The following TCERG1 variants were observed in gnomAD, a reference collection of about 807,000 sequenced individuals.
TCERG1 encodes the protein transcription elongation regulator 1, also known as TATA box binding protein (TBP)-associated factor, RNA polymerase II, S, 150kD.
In TCERG1, 37 loss-of-function variants were observed where a neutral mutation model predicts 144.7. The observed-to-expected ratio is 0.26, with a 90% CI of 0.20 to 0.34. TCERG1 has a LOEUF of 0.34. Ranked by LOEUF, TCERG1 falls within the 10% of genes least tolerant of loss-of-function variation. TCERG1 has a pLI of 1.00. For missense variants in TCERG1, 1,027 were observed against 1,380.7 expected, an observed-to-expected ratio of 0.74 and a Z score of 4.06; for synonymous variants, 492 against 458.2, an observed-to-expected ratio of 1.07 and a Z score of -0.94.
chr5:146,460,613 G>C (rs1044053504), intron 4 of TCERG1, among the ~76,000 whole-genome samples: 10 of 152,194 alleles, frequency 6.6e-5, no homozygotes, highest in African/African-American at 2.2e-4. Context: ...GTATAAGAGA[G>C]AAATTAATTC....
chr5:146,447,557 G>A, intron 1 of TCERG1, 149 bp downstream of exon 1: 1 of 1,050,204 alleles, frequency 9.5e-7, no homozygotes, highest in African/African-American at 1.7e-5. Flanking sequence ...GAAGGGGGAA[G>A]GGGAAGGTGG....
intron 15 of TCERG1, among the ~76,000 whole-genome samples, chr5:146,484,322 A>AG (rs1297661576): frequency 6.6e-6 from 1 of 152,178 alleles, no homozygotes; most frequent in Non-Finnish European, 1.5e-5. Context: ...CCTCTTCTAA[A>AG]GCATTGCACA....
chr5:146,454,067 C>T (rs1210713055), intron 1 of TCERG1, among the ~76,000 whole-genome samples: 28 of 149,204 alleles, frequency 1.9e-4, no homozygotes, highest in Admixed American at 1.6e-3. Flanking sequence ...AAAAATTAGC[C>T]GGGCATGGTG....
At chr5:146,473,350 G>A (rs545684012) in intron 9 of TCERG1, among the ~76,000 whole-genome samples, 2 of 152,332 alleles carry the variant, frequency 1.3e-5, no homozygotes, top group Admixed American at 6.5e-5. Context: ...TTGGAAGCTA[G>A]TAGAGGTTGG....
intron 5 of TCERG1, 137 bp from the exon 6 acceptor site, chr5:146,468,204 A>G (rs140533362): frequency 4.8e-5 from 31 of 651,202 alleles, no homozygotes; most frequent in Non-Finnish European, 7.0e-5. Context: ...AAACAGAAAG[A>G]AATTTTACTC....
rs969446485 is a variant in TCERG1, at chr5:146,471,579, A to G, written c.1601+3A>G. The G allele has an allele frequency of 1.2e-6, 2 of 1,606,382 alleles. No homozygotes were observed. Among genetic ancestry groups the G allele is most frequent in the Non-Finnish European group, 1.7e-6 (2 of 1,175,772 alleles). ...GCTCCTATTCCTGGTACTCCATGGT[A>G]TGTATTTGGCTCAAGTAGTAATTTT... On this transcript the variant is annotated splice_donor_region_variant and intron_variant, in intron 9 of 22. Transcript: ENST00000679501.
intron 9 of TCERG1, among the ~76,000 whole-genome samples, chr5:146,474,616 T>C (rs750999661): frequency 6.6e-5 from 10 of 152,250 alleles, no homozygotes; most frequent in Admixed American, 2.0e-4. Flanking sequence ...TCAATTGATA[T>C]AGAAAACTTC....
At chr5:146,476,754 G>C (rs1034594008) in intron 9 of TCERG1, among the ~76,000 whole-genome samples, 10 of 152,050 alleles carry the variant, frequency 6.6e-5, no homozygotes, top group African/African-American at 2.2e-4. Flanking sequence ...CACCTCCTCT[G>C]TTCTTCAGAT....
intron 18 of TCERG1, 64 bp downstream of exon 18, chr5:146,503,603 A>G: frequency 1.3e-6 from 2 of 1,553,144 alleles, no homozygotes; most frequent in South Asian, 1.2e-5. Flanking sequence ...TTAAGGGTAT[A>G]TGTTGTTGTT....
intron 15 of TCERG1, 180 bp from the exon 16 acceptor site, chr5:146,492,740 C>T (rs1766545449): frequency 2.3e-6 from 1 of 442,786 alleles, no homozygotes. Flanking sequence ...GAGCTGTGTG[C>T]TTGTGTAATA....
At chr5:146,499,970 CGGTACTT>C (rs1181500982) in intron 17 of TCERG1, 1 of 151,882 alleles carries the variant, frequency 6.6e-6, no homozygotes, top group African/African-American at 2.4e-5. Flanking sequence ...TCCCGAGTTC[CGGTACTT>C]TACATTTTTT....
chr5:146,447,495 G>A (rs533647106), intron 1 of TCERG1, 87 bp downstream of exon 1: 2 of 1,516,452 alleles, frequency 1.3e-6, no homozygotes, highest in South Asian at 2.4e-5. Flanking sequence ...ATCCGGGGCG[G>A]ACGGTGGGTA....
intron 10 of TCERG1, among the ~76,000 whole-genome samples, chr5:146,478,862 G>T (rs73309458): frequency 0.022 from 3,424 of 152,248 alleles, 127 homozygotes; most frequent in African/African-American, 0.077. Flanking sequence ...TAAAATATGT[G>T]TGTCTTTAAT....
In TCERG1 at chr5:146,510,777, G is replaced by T. The variant is rs1415080204; in HGVS notation, c.*135G>T. 1 of 766,646 alleles carries T rather than the reference G, an allele frequency of 1.3e-6. No homozygotes were observed. Among genetic ancestry groups the T allele is most frequent in the African/African-American group, 1.8e-5 (1 of 56,548 alleles). The allele number at this position is 766,646 out of a possible 1,614,324, so 47.5% of individuals were successfully genotyped here. A position where few individuals can be genotyped will look rare whatever the true frequency, so the allele number is the denominator to read the frequency against. ...ACAGAAGGAGAAGCATTTGTGAACAGTTTCTGAACAGAACACTTTGGAAAT... is the reference window on the plus strand; with the variant it reads ...ACAGAAGGAGAAGCATTTGTGAACATTTTCTGAACAGAACACTTTGGAAAT... On this transcript the variant is annotated 3_prime_UTR_variant, in exon 23 of 23. Coordinates refer to ENST00000679501, the MANE Select transcript of TCERG1 (RefSeq NM_001382548.1).
chr5:146,476,405 A>C (rs1764841251), intron 9 of TCERG1, among the ~76,000 whole-genome samples: 2 of 152,208 alleles, frequency 1.3e-5, no homozygotes, highest in Admixed American at 1.3e-4. Flanking sequence ...TACCAAAACT[A>C]TCACTAACAA....
At chr5:146,447,703 GC>G (rs952005750) in intron 1 of TCERG1, among the ~76,000 whole-genome samples, 8 of 152,208 alleles carry the variant, frequency 5.3e-5, no homozygotes, top group Admixed American at 5.2e-4. Flanking sequence ...CCGCCTTTGG[GC>G]CCCGCCTCAG....
At chr5:146,493,160 A>G in intron 16 of TCERG1, 122 bp downstream of exon 16, 1 of 714,160 alleles carries the variant, frequency 1.4e-6, no homozygotes, top group South Asian at 2.0e-5. Context: ...TTATTTGATT[A>G]TCGGTTTTTG....
intron 1 of TCERG1, among the ~76,000 whole-genome samples, chr5:146,448,906 A>C (rs1490580234): frequency 6.6e-6 from 1 of 152,198 alleles, no homozygotes; most frequent in African/African-American, 2.4e-5. Flanking sequence ...CATTTTAGAA[A>C]GTATCTTTCT....
In TCERG1 at chr5:146,503,858, G is replaced by A. The variant is rs773423244; in HGVS notation, c.2633G>A (p.Arg878Lys). 4 of 1,604,434 alleles carry A rather than the reference G, an allele frequency of 2.5e-6. No individual in the cohort carries two copies. The East Asian group carries it at 8.9e-5, about 36-fold the overall frequency. ...TCAGAAAAAGAAAAGGAGCTTGAAA[G>A]GCAAGCCCGCATTGAGGCAAGCCTT... ...LDSEKEKELE[R>K]QARIEASLRE... Residue 878 changes from arginine to lysine, a missense_variant, in exon 19 of 23, where the codon AGG becomes AAG. Physicochemically the swap from Arg to Lys is conservative, Grantham distance 26 (BLOSUM62 2). Transcript: ENST00000679501.
Sources: gnomAD v4.1 joint callset for allele counts (sites outside exome capture counted in the v4.1 genomes callset) on GRCh38, gnomAD v4.1.1 for gene constraint, MANE v1.5 for transcripts, NCBI Gene and HGNC (gene_info 2026-07-23, HGNC 2026-07-21) for gene names.